ZDHHC3: variants seen among roughly 807,000 people sequenced by gnomAD.
ZDHHC3 encodes palmitoyltransferase ZDHHC3.
A neutral mutation model predicts 30.6 loss-of-function variants in ZDHHC3; 9 were observed. That is an observed-to-expected ratio of 0.29 (90% CI 0.18 to 0.51). The LOEUF (loss-of-function observed/expected upper bound fraction) is 0.51, where lower values mean the gene tolerates loss of function less well. ZDHHC3 is among the 20% of genes least tolerant of loss of function. The pLI is 0.97. For missense variants in ZDHHC3, 246 were observed against 384.2 expected (o/e 0.64, Z 3.01); for synonymous variants, 136 against 140.2 (o/e 0.97, Z 0.21).
chr3:44,926,937 A>G (rs1041544502), intron 6 of ZDHHC3, 90 bp from the exon 7 acceptor site: 70 of 1,437,632 alleles, frequency 4.9e-5, no homozygotes, highest in Non-Finnish European at 6.4e-5. Flanking sequence ...TGAATGGAGT[A>G]AATGTTTCCT....
At chr3:44,942,328 G>A (rs1052475713) in intron 3 of ZDHHC3, among the ~76,000 whole-genome samples, 2 of 152,202 alleles carry the variant, frequency 1.3e-5, no homozygotes, top group African/African-American at 2.4e-5. Context: ...GGGCCACCAC[G>A]CACCATCACA....
In ZDHHC3 at chr3:44,976,031, T is replaced by TA; in HGVS notation, c.-124_-123insT. 2.5e-6 allele frequency: 1 copy of TA among 396,354 alleles called. No individual in the cohort carries two copies. The highest frequency in any genetic ancestry group is 4.5e-6 in the Non-Finnish European group (1 of 224,312). The allele number at this position is 396,354 out of a possible 1,614,324, so 24.6% of individuals were successfully genotyped here. A position where few individuals can be genotyped will look rare whatever the true frequency, so the allele number is the denominator to read the frequency against. ...GCAGTCCCCAACCCGGGACCCGGCCTCGGGCTTCGGCGATGGCTCCTCGGA... is the reference window on the plus strand; with the variant it reads ...GCAGTCCCCAACCCGGGACCCGGCCTACGGGCTTCGGCGATGGCTCCTCGGA... On this transcript the variant is annotated 5_prime_UTR_variant, in exon 1 of 7. It introduces an in-frame stop codon into an upstream open reading frame of the 5' UTR. Coordinates refer to ENST00000424952, the MANE Select transcript of ZDHHC3 (RefSeq NM_001135179.2).
In ZDHHC3 at chr3:44,917,917, G is replaced by A. The variant is rs1382945481; in HGVS notation, c.*8772C>T. The stretch of plus-strand genomic sequence containing the variant: ...CATCTATTCATCTGTCACCTCCACA[G>A]AGTCCTCGTCCTTTGTCTCCTCTGA... On this transcript the variant is annotated 3_prime_UTR_variant, in exon 7 of 7. Coordinates refer to ENST00000424952, the MANE Select transcript of ZDHHC3 (RefSeq NM_001135179.2). The A allele has an allele frequency of 7.7e-7, 1 of 1,304,244 alleles. No individual in the cohort carries two copies. Among genetic ancestry groups the A allele is most frequent in the East Asian group, 5.5e-5 (1 of 18,034 alleles). 80.8% of individuals were successfully genotyped at this position (1,304,244 alleles called of 1,614,324 possible).
chr3:44,932,583 G>C (rs962075481), intron 5 of ZDHHC3, among the ~76,000 whole-genome samples: 2 of 152,128 alleles, frequency 1.3e-5, no homozygotes, highest in African/African-American at 4.8e-5. Context: ...ATTTCAGTGG[G>C]AAGCCTCTAA....
intron 3 of ZDHHC3, among the ~76,000 whole-genome samples, chr3:44,935,700 C>T (rs1223553297): frequency 6.6e-6 from 1 of 152,180 alleles, no homozygotes; most frequent in African/African-American, 2.4e-5. Context: ...ATGAGAGTTC[C>T]TGTCAAACAG....
rs1212505446 is a variant in ZDHHC3, at chr3:44,917,092, A to C, written c.*9597T>G. On this transcript the variant is annotated 3_prime_UTR_variant, in exon 7 of 7. Coordinates refer to ENST00000424952, the MANE Select transcript of ZDHHC3 (RefSeq NM_001135179.2). Reference sequence around the variant, plus strand: ...CTCCAAAGAGGTCCTTCCCATATCCACATCTGTGAATGGCTAGATATGTAG... The same window carrying C: ...CTCCAAAGAGGTCCTTCCCATATCCCCATCTGTGAATGGCTAGATATGTAG... The C allele has an allele frequency of 2.0e-5, 3 of 152,170 alleles. No individual in the cohort carries two copies. Among genetic ancestry groups the C allele is most frequent in the Non-Finnish European group, 4.4e-5 (3 of 68,052 alleles). The allele number at this position is 152,170 out of a possible 1,614,324, so 9.4% of individuals were successfully genotyped here.
chr3:44,947,672 T>TA (rs375217697), intron 2 of ZDHHC3, among the ~76,000 whole-genome samples: 1 of 152,182 alleles, frequency 6.6e-6, no homozygotes, highest in Non-Finnish European at 1.5e-5. Flanking sequence ...AGCACTACTA[T>TA]AAAAAAACTA....
rs1318036875 is a variant in ZDHHC3, at chr3:44,916,539, G to T, written c.*10150C>A. On this transcript the variant is annotated 3_prime_UTR_variant, in exon 7 of 7. Transcript: ENST00000424952. ...GCCCTAACACTGAGGTCTTGCAGGG[G>T]CATGCTCTGCTGAGTGCCTGTGCTC... The T allele has an allele frequency of 1.3e-5, 2 of 152,400 alleles. No homozygotes were observed. Among genetic ancestry groups the T allele is most frequent in the African/African-American group, 4.8e-5 (2 of 41,456 alleles). 9.4% of individuals were successfully genotyped at this position (152,400 alleles called of 1,614,324 possible).
chr3:44,918,776 C>T lies in ZDHHC3; in HGVS notation c.*7913G>A. ...CAGCAGATCCACCCTGCAGCCTCTT[C>T]CAAGCTGTCAACTCACCTGCCTCTG... On this transcript the variant is annotated 3_prime_UTR_variant, in exon 7 of 7. Coordinates refer to ENST00000424952, the MANE Select transcript of ZDHHC3 (RefSeq NM_001135179.2). 1.0e-6 allele frequency: 1 copy of T among 986,938 alleles called. No homozygotes were observed. Among genetic ancestry groups the T allele is most frequent in the Non-Finnish European group, 1.2e-6 (1 of 830,950 alleles). 61.1% of individuals were successfully genotyped at this position (986,938 alleles called of 1,614,324 possible).
At position 44,925,200 on chromosome 3, in the gene ZDHHC3, T is replaced by C. The variant is rs1382099248; in HGVS notation, c.*1489A>G. On this transcript the variant is annotated 3_prime_UTR_variant, in exon 7 of 7. Coordinates refer to ENST00000424952, the MANE Select transcript of ZDHHC3 (RefSeq NM_001135179.2). ...TTGGAAAAATTTTATTGCATTTTGT[T>C]TCCATGTGGAAGCACTGACAGAATT... is the stretch of plus-strand genomic sequence containing the variant. 1.0e-6 allele frequency: 1 copy of C among 985,756 alleles called. No homozygotes were observed. The highest frequency in any genetic ancestry group is 1.1e-4 in the East Asian group (1 of 8,824). The allele number at this position is 985,756 out of a possible 1,614,324, so 61.1% of individuals were successfully genotyped here.
chr3:44,965,261 A>G (rs549550573), intron 1 of ZDHHC3, among the ~76,000 whole-genome samples: 1 of 152,292 alleles, frequency 6.6e-6, no homozygotes, highest in Admixed American at 6.5e-5. Flanking sequence ...CACGTGCTTC[A>G]TTATACCTTA....
intron 1 of ZDHHC3, among the ~76,000 whole-genome samples, chr3:44,961,449 C>A (rs780907493): frequency 3.3e-5 from 5 of 152,082 alleles, no homozygotes; most frequent in Non-Finnish European, 7.4e-5. Flanking sequence ...TCCTGGTGGT[C>A]CATCAACCAA....
intron 1 of ZDHHC3, among the ~76,000 whole-genome samples, 147 bp downstream of exon 1, chr3:44,975,770 TCTCACACACACACACA>T (rs1705911593): frequency 9.0e-6 from 1 of 111,492 alleles, no homozygotes; most frequent in African/African-American, 3.3e-5. Flanking sequence ...TCTCTCTCTC[TCTCACACACACACACA>T]CACACACACA....
At chr3:44,931,823 T>A (rs1701516286) in intron 5 of ZDHHC3, among the ~76,000 whole-genome samples, 1 of 152,198 alleles carries the variant, frequency 6.6e-6, no homozygotes, top group Non-Finnish European at 1.5e-5. Flanking sequence ...AACTTGTTCA[T>A]CCTCTGTGAG....
intron 2 of ZDHHC3, among the ~76,000 whole-genome samples, chr3:44,955,479 A>G (rs201708404): frequency 4.8e-5 from 6 of 125,184 alleles, no homozygotes; most frequent in South Asian, 3.0e-4. Context: ...ATATATATGT[A>G]TATATATATA....
rs963937509 is a variant in ZDHHC3 at position 44,968,896 on chromosome 3, G to T, written c.-25+7037C>A. 6.6e-5 allele frequency among the ~76,000 whole-genome samples: 10 copies of T among 152,144 alleles called. No individual in the cohort carries two copies. In the East Asian group the frequency reaches 1.9e-3, roughly 29 times the overall value. ...TTGTGGTCCACTCTGTTTTACAGAT[G>T]AGTAAGGAAGTGAAGCTCAAGGAGT... On this transcript the variant is annotated intron_variant, in intron 1 of 6. Coordinates refer to ENST00000424952, the MANE Select transcript of ZDHHC3 (RefSeq NM_001135179.2).
Position 44,933,383 on chromosome 3 carries a change from C to T in ZDHHC3, c.529-184G>A, listed in dbSNP as rs1241351469. The T allele has an allele frequency of 2.0e-4, 122 of 619,418 alleles. No homozygotes were observed. The East Asian group carries it at 3.0e-3, about 15-fold the overall frequency. The allele number at this position is 619,418 out of a possible 1,614,324, so 38.4% of individuals were successfully genotyped here. ...ATCCGTCTACCCACCAGCCCTGGGT[C>T]AAGTGAGCAGCCACCTCCGGGAGTA... On this transcript the variant is annotated intron_variant, in intron 4 of 6. Transcript: ENST00000424952.
chr3:44,944,626 C>T (rs971048079), intron 3 of ZDHHC3, among the ~76,000 whole-genome samples: 9 of 151,982 alleles, frequency 5.9e-5, no homozygotes, highest in African/African-American at 1.9e-4. Context: ...ATCAGAAAAA[C>T]TTAATAAAGA....
At chr3:44,937,979 C>A (rs529497019) in intron 3 of ZDHHC3, 9 of 431,236 alleles carry the variant, frequency 2.1e-5, no homozygotes, top group African/African-American at 4.1e-5. Flanking sequence ...TTAAACACAG[C>A]GGAAATACCA....
Sources: gnomAD v4.1 joint callset for allele counts (sites outside exome capture counted in the v4.1 genomes callset) on GRCh38, gnomAD v4.1.1 for gene constraint, MANE v1.5 for transcripts, NCBI Gene and HGNC (gene_info 2026-07-23, HGNC 2026-07-21) for gene names.